The following AFG2A variants were observed in gnomAD, a reference collection of about 807,000 sequenced individuals.
AFG2A encodes the protein AAA ATPase AFG2A.
At chr4:122,969,168 T>C in the AFG2A span, among the ~76,000 whole-genome samples, 125,948 of 151,536 alleles carry the variant, frequency 0.83, 53,498 homozygotes, top group East Asian at 0.96. Context: ...TCAGTCTTTT[T>C]CTTCGTGGCT....
chr4:123,069,543 T>G, the AFG2A span, among the ~76,000 whole-genome samples: 1 of 152,132 alleles, frequency 6.6e-6, no homozygotes. Flanking sequence ...TGGTATAGAT[T>G]CAAGAAACCA....
At chr4:123,183,390 T>C in the AFG2A span, among the ~76,000 whole-genome samples, 1 of 152,208 alleles carries the variant, frequency 6.6e-6, no homozygotes, top group African/African-American at 2.4e-5. Context: ...TTCTGACAGA[T>C]GGTATTTCCT....
At chr4:122,935,825 G>T in the AFG2A span, 2 of 1,609,224 alleles carry the variant, frequency 1.2e-6, no homozygotes, top group African/African-American at 2.7e-5. Context: ...GTAATTAATG[G>T]TCCTGAAATT....
At chr4:123,160,995 A>G in the AFG2A span, among the ~76,000 whole-genome samples, 145 of 152,298 alleles carry the variant, frequency 9.5e-4, no homozygotes, top group Middle Eastern at 6.8e-3. Flanking sequence ...ATACTCACCG[A>G]TTTTCAGACT....
At chr4:123,317,645 A>G in the AFG2A span, 5 of 152,204 alleles carry the variant, frequency 3.3e-5, no homozygotes, top group Non-Finnish European at 7.3e-5. Context: ...AGTGAATAGG[A>G]AAGTTCATAG....
the AFG2A span, among the ~76,000 whole-genome samples, chr4:123,258,679 T>A: frequency 6.6e-6 from 1 of 152,022 alleles, no homozygotes; most frequent in African/African-American, 2.4e-5. Flanking sequence ...ATAAAATTAA[T>A]TTTATTTAAG....
chr4:123,130,341 C>G, the AFG2A span, among the ~76,000 whole-genome samples: 2 of 152,144 alleles, frequency 1.3e-5, no homozygotes. Context: ...TTGATAAATG[C>G]ATAGAATTGG....
the AFG2A span, among the ~76,000 whole-genome samples, chr4:123,156,869 C>T: frequency 6.6e-6 from 1 of 151,126 alleles, no homozygotes; most frequent in Non-Finnish European, 1.5e-5. Context: ...ATGCCAAGTA[C>T]ATATGAAAGG....
chr4:123,031,134 G>A, the AFG2A span, among the ~76,000 whole-genome samples: 1 of 152,110 alleles, frequency 6.6e-6, no homozygotes, highest in African/African-American at 2.4e-5. Flanking sequence ...TGGAGCCAAA[G>A]AAGTTGGGAA....
chr4:122,941,285 T>C, the AFG2A span, among the ~76,000 whole-genome samples: 1 of 151,460 alleles, frequency 6.6e-6, no homozygotes, highest in African/African-American at 2.4e-5. Flanking sequence ...TTCTTCCATT[T>C]CTTTGTATCC....
the AFG2A span, among the ~76,000 whole-genome samples, chr4:123,235,333 CATT>C: frequency 2.0e-5 from 3 of 152,088 alleles, no homozygotes; most frequent in African/African-American, 7.2e-5. Flanking sequence ...TCTGACTAAA[CATT>C]AAAAAATGGG....
At chr4:123,243,025 T>C in the AFG2A span, among the ~76,000 whole-genome samples, 1 of 152,080 alleles carries the variant, frequency 6.6e-6, no homozygotes, top group East Asian at 1.9e-4. Flanking sequence ...ATCAGAGAAA[T>C]GCAAATCAAA....
the AFG2A span, among the ~76,000 whole-genome samples, chr4:123,044,732 ATTG>A: frequency 2.0e-5 from 3 of 151,758 alleles, no homozygotes; most frequent in Non-Finnish European, 4.4e-5. Context: ...ACCTCTTAAT[ATTG>A]TTGTTATTAA....
the AFG2A span, among the ~76,000 whole-genome samples, chr4:123,311,625 C>CAAAAAAAAA: frequency 5.4e-5 from 5 of 92,232 alleles, no homozygotes; most frequent in African/African-American, 1.3e-4. Flanking sequence ...GACTCTGTCT[C>CAAAAAAAAA]AAAAAAAAAA....
At chr4:123,223,431 G>C in the AFG2A span, among the ~76,000 whole-genome samples, 1 of 152,056 alleles carries the variant, frequency 6.6e-6, no homozygotes, top group Non-Finnish European at 1.5e-5. Context: ...CCTGAGATGG[G>C]GTAATTTATA....
At chr4:123,025,142 G>A in the AFG2A span, among the ~76,000 whole-genome samples, 1 of 152,212 alleles carries the variant, frequency 6.6e-6, no homozygotes, top group Non-Finnish European at 1.5e-5. Context: ...TAGAAGGACT[G>A]TATGGTCTGT....
At chr4:123,156,298 G>T in the AFG2A span, among the ~76,000 whole-genome samples, 1 of 152,060 alleles carries the variant, frequency 6.6e-6, no homozygotes, top group Non-Finnish European at 1.5e-5. Context: ...TTTGAACCAG[G>T]GGTAGAATAC....
At chr4:123,302,952 C>T in the AFG2A span, among the ~76,000 whole-genome samples, 4 of 152,006 alleles carry the variant, frequency 2.6e-5, no homozygotes, top group East Asian at 7.7e-4. Context: ...TTGTATTCCC[C>T]AGTGTCTGCT....
chr4:123,256,811 T>C, the AFG2A span: 1 of 984,584 alleles, frequency 1.0e-6, no homozygotes. Context: ...ATTAACATTT[T>C]TTCTCTCCTT....
Sources: allele counts gnomAD v4.1 joint callset (sites outside exome capture counted in the v4.1 genomes callset), GRCh38; gene constraint gnomAD v4.1.1; transcripts MANE v1.5; gene names NCBI Gene and HGNC (gene_info 2026-07-23, HGNC 2026-07-21).